Variants in GABRB1 observed in about 807,000 individuals in gnomAD.
GABRB1 encodes gamma-aminobutyric acid type A receptor subunit beta1.
In GABRB1, 17 loss-of-function variants were observed where a neutral mutation model predicts 51.6. That is an observed-to-expected ratio of 0.33 (90% confidence interval 0.23 to 0.49). The LOEUF (loss-of-function observed/expected upper bound fraction) is 0.49, where lower values mean the gene tolerates loss of function less well. Ranked by LOEUF, GABRB1 falls within the 20% of genes least tolerant of loss-of-function variation. The probability of loss-of-function intolerance (pLI) is 0.99; values close to 1 mark genes in which losing one functional copy is unlikely to be tolerated. For synonymous variants in GABRB1, 247 were observed against 218.9 expected (o/e 1.13, Z -1.14); for missense variants, 410 against 600.6 (o/e 0.68, Z 3.32).
chr4:47,245,512 G>A (rs1047082067), intron 4 of GABRB1, among the ~76,000 whole-genome samples: 1 of 152,080 alleles, frequency 6.6e-6, no homozygotes, highest in Non-Finnish European at 1.5e-5. Flanking sequence ...GGAGAAGAAG[G>A]GAGCCAGATG....
intron 4 of GABRB1, among the ~76,000 whole-genome samples, chr4:47,259,132 A>G (rs1445575404): frequency 6.6e-6 from 1 of 152,068 alleles, no homozygotes; most frequent in African/African-American, 2.4e-5. Flanking sequence ...ACTGACATCC[A>G]TCTTTGAGAG....
intron 4 of GABRB1, among the ~76,000 whole-genome samples, chr4:47,260,457 G>A (rs1249099510): frequency 6.6e-6 from 1 of 152,110 alleles, no homozygotes; most frequent in Admixed American, 6.6e-5. Context: ...TTTTGCAGTG[G>A]CTGGTACCAG....
chr4:47,386,279 G>A (rs932782311), intron 5 of GABRB1, among the ~76,000 whole-genome samples: 2 of 152,118 alleles, frequency 1.3e-5, no homozygotes, highest in Admixed American at 6.6e-5. Flanking sequence ...ATATTTAAGA[G>A]CTCTGTGTCA....
chr4:47,031,677 G>C lies in GABRB1; in HGVS notation c.26G>C (p.Ser9Thr), dbSNP rs764743206. The C allele has an allele frequency of 4.3e-6, 7 of 1,613,844 alleles. No individual in the cohort carries two copies. Among genetic ancestry groups the C allele is most frequent in the Non-Finnish European group, 5.9e-6 (7 of 1,179,686 alleles). The change falls in exon 1 of 9, where the codon AGT becomes ACT. Residue 9 changes from serine to threonine, a missense_variant. This residue lies in a region of GABRB1 where 56 missense variants were observed against 54.8 expected (regional missense o/e 1.02). Coordinates refer to ENST00000295454, the MANE Select transcript of GABRB1 (RefSeq NM_000812.4). Reference protein sequence around the residue: MWTVQNRESLGLLSFPVMI... With the variant: MWTVQNRETLGLLSFPVMI... Reference sequence around the variant, plus strand: ...ATGTGGACAGTACAAAATCGAGAGAGTCTGGGGCTTCTCTCTTTCCCTGTG... The same window carrying C: ...ATGTGGACAGTACAAAATCGAGAGACTCTGGGGCTTCTCTCTTTCCCTGTG...
At chr4:47,187,836 C>T (rs868531078) in intron 4 of GABRB1, among the ~76,000 whole-genome samples, 2 of 151,844 alleles carry the variant, frequency 1.3e-5, no homozygotes, top group South Asian at 4.1e-4. Flanking sequence ...TCATACATGC[C>T]AAGTGGACTT....
chr4:47,229,298 A>G (rs1259520521), intron 4 of GABRB1, among the ~76,000 whole-genome samples: 1 of 152,184 alleles, frequency 6.6e-6, no homozygotes, highest in Admixed American at 6.6e-5. Flanking sequence ...CAGTATTTTT[A>G]TGGTTTATTT....
chr4:47,192,504 G>A (rs1719477021), intron 4 of GABRB1, among the ~76,000 whole-genome samples: 1 of 152,088 alleles, frequency 6.6e-6, no homozygotes, highest in South Asian at 2.1e-4. Context: ...TAACATTTTT[G>A]CTGTTATATC....
At chr4:47,338,598 A>G (rs9996565) in intron 5 of GABRB1, among the ~76,000 whole-genome samples, 60,648 of 151,980 alleles carry the variant, frequency 0.4, 12,243 homozygotes, top group East Asian at 0.59. Flanking sequence ...ATTTCTCCCT[A>G]TTATTGGCAG....
chr4:47,402,918 A>C (rs1231464206), intron 5 of GABRB1, among the ~76,000 whole-genome samples: 1 of 152,202 alleles, frequency 6.6e-6, no homozygotes, highest in Admixed American at 6.5e-5. Flanking sequence ...TTATCCATTT[A>C]ACAAATATGT....
rs181131872 is a variant in GABRB1 at position 47,242,033 on chromosome 4, C to A, written c.462-78094C>A. Among the ~76,000 whole-genome samples the A allele has an allele frequency of 7.3e-3, 1,113 of 152,088 alleles. 9 individuals carry two copies. The highest frequency in any genetic ancestry group is 0.025 in the African/African-American group (1,054 of 41,488). On this transcript the variant is annotated intron_variant, in intron 4 of 8. Transcript: ENST00000295454. ...GTATATCTCCTGATGCTATCCCTTC[C>A]CCCTCCACCCACCCCACGACAGGCC...
In GABRB1 at chr4:47,213,423, T is replaced by A. The variant is rs1455174426; in HGVS notation, c.461+51954T>A. Among the ~76,000 whole-genome samples the A allele has an allele frequency of 7.5e-4, 113 of 150,418 alleles. 1 individual carries two copies. Among genetic ancestry groups the A allele is most frequent in the African/African-American group, 2.3e-3 (95 of 41,066 alleles). Reference sequence around the variant, plus strand: ...AATTAATTAATATTTTCACATTCGCTCTCTCTCTCTCTCACTCTCTCTCTC... The same window carrying A: ...AATTAATTAATATTTTCACATTCGCACTCTCTCTCTCTCACTCTCTCTCTC... On this transcript the variant is annotated intron_variant, in intron 4 of 8. Transcript: ENST00000295454.
At chr4:47,162,118 TA>T (rs776496494) in intron 4 of GABRB1, among the ~76,000 whole-genome samples, 74 of 152,070 alleles carry the variant, frequency 4.9e-4, no homozygotes, top group Non-Finnish European at 8.1e-4. Context: ...CAACTTCAGT[TA>T]AAAATCTCTG....
At chr4:47,311,335 C>G (rs1724670296) in intron 4 of GABRB1, among the ~76,000 whole-genome samples, 1 of 146,122 alleles carries the variant, frequency 6.8e-6, no homozygotes, top group African/African-American at 2.5e-5. Context: ...TCTCTTGAAG[C>G]TGGGAGATGG....
chr4:47,122,226 T>C (rs959203926), intron 3 of GABRB1, among the ~76,000 whole-genome samples: 7 of 152,220 alleles, frequency 4.6e-5, no homozygotes, highest in Non-Finnish European at 8.8e-5. Flanking sequence ...GAAATACTTT[T>C]CTGCAGAGAG....
At position 47,174,393 on chromosome 4, in the gene GABRB1, A is replaced by G. The variant is rs1718577742; in HGVS notation, c.461+12924A>G. On this transcript the variant is annotated intron_variant, in intron 4 of 8. Coordinates refer to ENST00000295454, the MANE Select transcript of GABRB1 (RefSeq NM_000812.4). ...CTTTGTTTCTTTTTAACTCAACAAT[A>G]AATATTTTTCATTTTCCTTTTAACT... Among the ~76,000 whole-genome samples, 3 of 152,118 alleles carry G rather than the reference A, an allele frequency of 2.0e-5. 1 individual carries two copies. Among genetic ancestry groups the G allele is most frequent in the Admixed American group, 2.0e-4 (3 of 15,264 alleles).
Position 47,116,923 on chromosome 4 carries a change from G to A in GABRB1, c.241-44326G>A, listed in dbSNP as rs191960413. Among the ~76,000 whole-genome samples, 352 of 152,200 alleles carry A rather than the reference G, an allele frequency of 2.3e-3. 1 individual carries two copies. Among genetic ancestry groups the A allele is most frequent in the African/African-American group, 8.2e-3 (342 of 41,532 alleles). Reference sequence around the variant, plus strand: ...GTGGAGCAGGAGAGAGAGAAAGAAGGGGGAAGTGCTACACACTTTTAAATA... The same window carrying A: ...GTGGAGCAGGAGAGAGAGAAAGAAGAGGGAAGTGCTACACACTTTTAAATA... On this transcript the variant is annotated intron_variant, in intron 3 of 8. Coordinates refer to ENST00000295454, the MANE Select transcript of GABRB1 (RefSeq NM_000812.4).
At chr4:47,261,001 A>G (rs978854365) in intron 4 of GABRB1, among the ~76,000 whole-genome samples, 3 of 152,090 alleles carry the variant, frequency 2.0e-5, no homozygotes, top group Non-Finnish European at 2.9e-5. Context: ...ATTCAACAAC[A>G]CTTCATGCTA....
chr4:47,339,606 C>T (rs1578105732), intron 5 of GABRB1, among the ~76,000 whole-genome samples: 1 of 148,568 alleles, frequency 6.7e-6, no homozygotes, highest in East Asian at 2.1e-4. Flanking sequence ...CCCACAACAA[C>T]CTATAGGAAA....
chr4:47,049,066 A>G (rs77817546), intron 3 of GABRB1, among the ~76,000 whole-genome samples: 7 of 148,428 alleles, frequency 4.7e-5, no homozygotes, highest in African/African-American at 1.0e-4. Context: ...GAGAAGAGAA[A>G]AAAAAAAAAA....
Sources: gnomAD v4.1 joint callset for allele counts (sites outside exome capture counted in the v4.1 genomes callset) on GRCh38, gnomAD v4.1.1 for gene constraint, gnomAD v4.1.1 regional missense constraint, MANE v1.5 for transcripts, NCBI Gene and HGNC (gene_info 2026-07-23, HGNC 2026-07-21) for gene names.